The following TLK1 variants were observed in gnomAD, a reference collection of about 807,000 sequenced individuals.
The protein encoded by TLK1 is tousled like kinase 1.
In TLK1, 24 loss-of-function variants were observed where a neutral mutation model predicts 105.3. The observed-to-expected ratio is 0.23, with a 90% CI of 0.17 to 0.32. The LOEUF is 0.32. TLK1 is among the 10% of genes least tolerant of loss of function. TLK1 has a pLI of 1.00. For synonymous variants in TLK1, 321 were observed against 310.4 expected, an observed-to-expected ratio of 1.03 and a Z score of -0.36; for missense variants, 558 against 910.5, an observed-to-expected ratio of 0.61 and a Z score of 4.98.
intron 3 of TLK1, among the ~76,000 whole-genome samples, chr2:171,075,158 G>C (rs1042252981): frequency 2.0e-5 from 3 of 151,886 alleles, no homozygotes; most frequent in Non-Finnish European, 4.4e-5. Context: ...CTAGTGCTTA[G>C]AATACACTAA....
chr2:171,071,850 A>G (rs1219603841), intron 3 of TLK1, among the ~76,000 whole-genome samples: 2 of 152,044 alleles, frequency 1.3e-5, no homozygotes, highest in Admixed American at 1.3e-4. Context: ...CCTTTCCCCA[A>G]TGTTTGTTCT....
At chr2:171,098,456 T>C (rs772198103) in intron 2 of TLK1, among the ~76,000 whole-genome samples, 1 of 152,020 alleles carries the variant, frequency 6.6e-6, no homozygotes, top group Non-Finnish European at 1.5e-5. Context: ...AGTAAAGAAA[T>C]AGTAGCAGTA....
rs1383385081 is a variant in TLK1 at position 171,197,622 on chromosome 2, T to C, written c.-6+33523A>G. Among the ~76,000 whole-genome samples the C allele has an allele frequency of 3.9e-5, 6 of 151,984 alleles. No individual in the cohort carries two copies. In the East Asian group the frequency reaches 9.6e-4, roughly 24 times the overall value. ...GGTGAAACCCTGTATCTACTAAAAG[T>C]ACAAAAATTAGCTGGGCGTGGTGGT... On this transcript the variant is annotated intron_variant, in intron 1 of 20. Coordinates refer to the TLK1 transcript ENST00000521943.
chr2:171,060,987 T>C (rs1687723084), intron 4 of TLK1, 94 bp downstream of exon 4: 22 of 1,253,406 alleles, frequency 1.8e-5, no homozygotes, highest in Non-Finnish European at 2.2e-5. Context: ...TACAACTTCA[T>C]ATTATTTTAC....
At chr2:171,038,185 C>T (rs1017527065) in intron 11 of TLK1, among the ~76,000 whole-genome samples, 1 of 152,076 alleles carries the variant, frequency 6.6e-6, no homozygotes, top group Non-Finnish European at 1.5e-5. Flanking sequence ...TAGTAATATT[C>T]CTTTTTTCAT....
At chr2:171,206,303 C>T (rs1308560547) in intron 1 of TLK1, among the ~76,000 whole-genome samples, 4 of 152,126 alleles carry the variant, frequency 2.6e-5, no homozygotes, top group East Asian at 3.9e-4. Context: ...ATATGGCATG[C>T]GTTTGTCTCT....
At chr2:171,082,702 TGAA>T in intron 3 of TLK1, 76 bp downstream of exon 3, 1 of 1,143,258 alleles carries the variant, frequency 8.7e-7, no homozygotes, top group Non-Finnish European at 1.3e-6. Flanking sequence ...AAAGAACTGA[TGAA>T]GAAACAAAAT....
intron 1 of TLK1, among the ~76,000 whole-genome samples, chr2:171,211,828 G>A (rs1334094629): frequency 7.9e-5 from 12 of 150,960 alleles, no homozygotes; most frequent in African/African-American, 1.2e-4. Context: ...GATTACAGGC[G>A]TGAGCCACTG....
chr2:171,136,491 G>A (rs1057009760), intron 1 of TLK1, among the ~76,000 whole-genome samples: 1 of 152,140 alleles, frequency 6.6e-6, no homozygotes, highest in Non-Finnish European at 1.5e-5. Context: ...AAGTGAACCT[G>A]GGAGGCGGAG....
intron 1 of TLK1, among the ~76,000 whole-genome samples, chr2:171,216,453 G>A (rs181192226): frequency 6.6e-6 from 1 of 152,276 alleles, no homozygotes; most frequent in East Asian, 1.9e-4. Context: ...TCCAGCCTGG[G>A]CGACAGAGCA....
At chr2:171,031,249 G>A (rs968513902) in intron 11 of TLK1, among the ~76,000 whole-genome samples, 10 of 152,060 alleles carry the variant, frequency 6.6e-5, no homozygotes, top group African/African-American at 1.2e-4. Context: ...TAGCTTCTTC[G>A]ATAACCTCTG....
intron 2 of TLK1, among the ~76,000 whole-genome samples, chr2:171,096,027 C>A (rs1221334254): frequency 6.6e-6 from 1 of 151,258 alleles, no homozygotes; most frequent in South Asian, 2.1e-4. Flanking sequence ...AGCAATCAGG[C>A]TAAAGGAAAG....
chr2:171,115,336 T>C (rs1447585665), intron 2 of TLK1, among the ~76,000 whole-genome samples: 2 of 152,010 alleles, frequency 1.3e-5, no homozygotes, highest in Non-Finnish European at 2.9e-5. Flanking sequence ...CATGCCTGGC[T>C]AATTTTTTTT....
At chr2:171,154,117 G>A (rs1692145027) in intron 1 of TLK1, among the ~76,000 whole-genome samples, 1 of 150,040 alleles carries the variant, frequency 6.7e-6, no homozygotes, top group Non-Finnish European at 1.5e-5. Context: ...TCAAACTCCT[G>A]GACTCAAGCA....
chr2:171,183,257 A>G (rs77405546), intron 1 of TLK1, among the ~76,000 whole-genome samples: 2,088 of 152,324 alleles, frequency 0.014, 43 homozygotes, highest in African/African-American at 0.047. Context: ...ATAATGTTAA[A>G]GCTCCCAATA....
intron 11 of TLK1, among the ~76,000 whole-genome samples, chr2:171,033,778 A>T (rs1686170186): frequency 1.3e-5 from 2 of 151,006 alleles, no homozygotes; most frequent in African/African-American, 4.9e-5. Context: ...TACCCATAAA[A>T]ATAAAAAACT....
At chr2:171,206,456 G>A (rs1471909767) in intron 1 of TLK1, among the ~76,000 whole-genome samples, 1 of 152,168 alleles carries the variant, frequency 6.6e-6, no homozygotes, top group Non-Finnish European at 1.5e-5. Flanking sequence ...GTTCTAAAGA[G>A]GGAGGCTGGG....
chr2:171,156,478 AAG>A (rs1255697159), intron 1 of TLK1, among the ~76,000 whole-genome samples: 26 of 152,228 alleles, frequency 1.7e-4, no homozygotes, highest in Non-Finnish European at 3.4e-4. Context: ...AATAATTGTT[AAG>A]AGAGTAAAGA....
At chr2:171,086,647 A>AAC (rs1375085165) in intron 2 of TLK1, among the ~76,000 whole-genome samples, 1 of 151,838 alleles carries the variant, frequency 6.6e-6, no homozygotes, top group African/African-American at 2.4e-5. Flanking sequence ...ACAAAAAAAA[A>AAC]AAACAGAAAA....
Sources: gnomAD v4.1 joint callset for allele counts (sites outside exome capture counted in the v4.1 genomes callset) on GRCh38, gnomAD v4.1.1 for gene constraint, MANE v1.5 for transcripts, NCBI Gene and HGNC (gene_info 2026-07-23, HGNC 2026-07-21) for gene names.